The following RAD17 variants were observed in gnomAD, a reference collection of about 807,000 sequenced individuals.
RAD17 encodes the protein cell cycle checkpoint protein RAD17.
A neutral mutation model predicts 81.5 loss-of-function variants in RAD17; 31 were observed. The ratio of observed to expected loss-of-function variants is 0.38; its 90% CI spans 0.29 to 0.51. The LOEUF (loss-of-function observed/expected upper bound fraction) is 0.51, where lower values mean the gene tolerates loss of function less well. Ranked by LOEUF, RAD17 falls within the 20% of genes least tolerant of loss-of-function variation. The pLI, the probability that RAD17 is intolerant of heterozygous loss-of-function variation, is 0.88. For synonymous variants in RAD17, 261 were observed against 266.2 expected, an observed-to-expected ratio of 0.98 and a Z score of 0.19; for missense variants, 681 against 781.2, an observed-to-expected ratio of 0.87 and a Z score of 1.53.
chr5:69,400,224 A>ATTTATTTATTTAT lies in RAD17; in HGVS notation c.1693+62_1693+63insATTTATTTTATTT, dbSNP rs1213203556. 8 of 1,174,888 alleles carry ATTTATTTATTTAT rather than the reference A, an allele frequency of 6.8e-6. No homozygotes were observed. In the South Asian group the frequency reaches 1.3e-4, roughly 19 times the overall value. 72.8% of individuals were successfully genotyped at this position (1,174,888 alleles called of 1,614,324 possible). ...AGAAGTAGGGTTTATTTATTTATTT[A>ATTTATTTATTTAT]TTTATTTTATTTTTTTAGGGGGAGT... On this transcript the variant is annotated intron_variant, in intron 17 of 18. Transcript: ENST00000354868.
At chr5:69,369,464 G>A (rs774701923), upstream of RAD17, 13 of 1,610,426 alleles carry the variant, frequency 8.1e-6, no homozygotes, top group East Asian at 2.2e-5. Context: ...CGCCCTGACC[G>A]GTGAGCAGGA....
In RAD17 at chr5:69,383,600, G is replaced by A. The variant is rs531412363; in HGVS notation, c.509-1197G>A. ...TCACCACGTTGGTCAGGTTGTTTTC[G>A]AACCCCTGACCTCAGGTGATCCAAC... On this transcript the variant is annotated intron_variant, in intron 7 of 18. Coordinates refer to ENST00000354868, the MANE Select transcript of RAD17 (RefSeq NM_133338.3). 7.9e-5 allele frequency among the ~76,000 whole-genome samples: 12 copies of A among 151,560 alleles called. No homozygotes were observed. In the South Asian group the frequency reaches 8.3e-4, roughly 11 times the overall value.
At chr5:69,389,252 T>G in intron 12 of RAD17, 107 bp downstream of exon 12, 1 of 544,440 alleles carries the variant, frequency 1.8e-6, no homozygotes, top group Admixed American at 3.9e-5. Context: ...TATACCTATT[T>G]ATCCTTCTTT....
At chr5:69,404,586 G>A (rs1332168713) in intron 17 of RAD17, among the ~76,000 whole-genome samples, 1 of 152,094 alleles carries the variant, frequency 6.6e-6, no homozygotes, top group African/African-American at 2.4e-5. Flanking sequence ...TGGCCAACAT[G>A]GCAAAACCCC....
At position 69,377,470 on chromosome 5, in the gene RAD17, TATATACACACACACAC is replaced by T. The variant is rs1763444114; in HGVS notation, c.351+2765_351+2780del. 1.4e-3 allele frequency among the ~76,000 whole-genome samples: 8 copies of T among 5,758 alleles called. No individual in the cohort carries two copies. The Non-Finnish European group carries it at 0.015, about 10-fold the overall frequency. The allele number at this position is 5,758 out of a possible 152,430, so 3.8% of individuals were successfully genotyped here. ...ATATATATATATATATATATATATA[TATATACACACACACAC>T]ATATATATACGTATATATATGTATA... is the stretch of plus-strand genomic sequence containing the variant. On this transcript the variant is annotated intron_variant, in intron 6 of 18. Transcript: ENST00000354868.
chr5:69,414,224 C>T lies in RAD17; in HGVS notation c.1945C>T (p.Pro649Ser), dbSNP rs753754950. Reference protein sequence around the residue: ...ASELPASQPQPFSAQGDMEEN... With the variant: ...ASELPASQPQSFSAQGDMEEN... ...TGAACTGCCTGCTAGCCAGCCCCAGCCCTTTTCAGCCCAAGGAGACATGGA... is the reference window on the plus strand; with the variant it reads ...TGAACTGCCTGCTAGCCAGCCCCAGTCCTTTTCAGCCCAAGGAGACATGGA... Residue 649 changes from proline to serine, a missense_variant, in exon 19 of 19, where the codon CCC (proline) becomes TCC (serine). Pro to Ser is a moderately conservative substitution (Grantham distance 74). Coordinates refer to ENST00000354868, the MANE Select transcript of RAD17 (RefSeq NM_133338.3). 31 of 1,614,022 alleles carry T rather than the reference C, an allele frequency of 1.9e-5. No individual in the cohort carries two copies. The Admixed American group carries it at 5.0e-4, about 26-fold the overall frequency.
At chr5:69,388,944 GTTAA>G (rs1490059044) in intron 11 of RAD17, 86 bp from the exon 12 acceptor site, 56 of 643,348 alleles carry the variant, frequency 8.7e-5, no homozygotes, top group Non-Finnish European at 2.4e-5. Context: ...TCTAATTTAC[GTTAA>G]TTAAGTTTAG....
chr5:69,383,800 G>A (rs775154860), intron 7 of RAD17, among the ~76,000 whole-genome samples: 9 of 152,186 alleles, frequency 5.9e-5, no homozygotes, highest in Non-Finnish European at 1.2e-4. Flanking sequence ...ACAGACGTGT[G>A]TTCCTGCATC....
intron 16 of RAD17, among the ~76,000 whole-genome samples, 164 bp downstream of exon 16, chr5:69,396,710 A>G (rs1764916671): frequency 6.6e-6 from 1 of 152,244 alleles, no homozygotes; most frequent in African/African-American, 2.4e-5. Flanking sequence ...AGTTTTTATA[A>G]AACATAAAAA....
chr5:69,404,917 G>A (rs1765495884), intron 17 of RAD17, among the ~76,000 whole-genome samples: 2 of 152,026 alleles, frequency 1.3e-5, no homozygotes, highest in South Asian at 2.1e-4. Flanking sequence ...TCTAGCCTGG[G>A]GGACAGAGTG....
intron 12 of RAD17, among the ~76,000 whole-genome samples, chr5:69,390,936 G>C (rs981286185): frequency 7.4e-6 from 1 of 135,174 alleles, no homozygotes; most frequent in East Asian, 2.2e-4. Context: ...CTGGGTGATA[G>C]AGCCAGACCC....
chr5:69,382,118 C>G (rs1407243154), intron 7 of RAD17, 61 bp downstream of exon 7: 3 of 1,529,434 alleles, frequency 2.0e-6, no homozygotes, highest in Non-Finnish European at 2.7e-6. Context: ...AGGGAGCTTT[C>G]AGATAAAGTT....
intron 15 of RAD17, among the ~76,000 whole-genome samples, chr5:69,394,642 C>T (rs1764770944): frequency 6.6e-6 from 1 of 152,146 alleles, no homozygotes; most frequent in Non-Finnish European, 1.5e-5. Flanking sequence ...ATCTCCAGTA[C>T]TTGATAACTG....
Position 69,374,562 on chromosome 5 carries a change from T to C in RAD17, c.268-66T>C, listed in dbSNP as rs1763220873. ...TTCGTTAATAATGCTTAGGTTCATA[T>C]GTGCTGATGTACCAAAAAATCTTCA... is the stretch of plus-strand genomic sequence containing the variant. On this transcript the variant is annotated intron_variant, in intron 5 of 18. Coordinates refer to ENST00000354868, the MANE Select transcript of RAD17 (RefSeq NM_133338.3). 33 of 1,068,700 alleles carry C rather than the reference T, an allele frequency of 3.1e-5. No individual in the cohort carries two copies. The South Asian group carries it at 4.3e-4, about 14-fold the overall frequency. The allele number at this position is 1,068,700 out of a possible 1,614,324, so 66.2% of individuals were successfully genotyped here. A position where few individuals can be genotyped will look rare whatever the true frequency, so the allele number is the denominator to read the frequency against.
chr5:69,386,075 T>A lies in RAD17; in HGVS notation c.678T>A (p.His226Gln). 1 of 1,600,904 alleles carries A rather than the reference T, an allele frequency of 6.2e-7. No homozygotes were observed. The highest frequency in any genetic ancestry group is 8.5e-7 in the Non-Finnish European group (1 of 1,174,648). Residue 226 changes from histidine to glutamine, a missense_variant, in exon 9 of 19, where the codon CAT becomes CAA. Physicochemically the swap from His to Gln is conservative, Grantham distance 24. Coordinates refer to ENST00000354868, the MANE Select transcript of RAD17 (RefSeq NM_133338.3). ...DLPNQFYRDS[H>Q]TLHEVLRKYV... ...CTAACCAGTTTTATCGGGATTCTCATACTTTACATGAAGTTCTAAGGTAGG... is the reference window on the plus strand; with the variant it reads ...CTAACCAGTTTTATCGGGATTCTCAAACTTTACATGAAGTTCTAAGGTAGG...
In RAD17 at chr5:69,414,406, C is replaced by A. The variant is rs917812174; in HGVS notation, c.*114C>A. 25 of 1,210,312 alleles carry A rather than the reference C, an allele frequency of 2.1e-5. No homozygotes were observed. The African/African-American group carries it at 3.5e-4, about 17-fold the overall frequency. The allele number at this position is 1,210,312 out of a possible 1,614,324, so 75.0% of individuals were successfully genotyped here. A position where few individuals can be genotyped will look rare whatever the true frequency, so the allele number is the denominator to read the frequency against. On this transcript the variant is annotated 3_prime_UTR_variant, in exon 19 of 19. Coordinates refer to ENST00000354868, the MANE Select transcript of RAD17 (RefSeq NM_133338.3). Reference sequence around the variant, plus strand: ...TGAATTACACAACAGTTTGTTAATTCTTCATTCTTGTAGTATTTCATCACA... The same window carrying A: ...TGAATTACACAACAGTTTGTTAATTATTCATTCTTGTAGTATTTCATCACA...
intron 18 of RAD17, among the ~76,000 whole-genome samples, chr5:69,410,752 A>C (rs928646597): frequency 6.6e-6 from 1 of 151,938 alleles, no homozygotes; most frequent in African/African-American, 2.4e-5. Flanking sequence ...ACTATACCAG[A>C]TTAAATGGAA....
intron 15 of RAD17, among the ~76,000 whole-genome samples, 169 bp downstream of exon 15, chr5:69,393,669 C>T (rs1764681447): frequency 6.6e-6 from 1 of 152,108 alleles, no homozygotes; most frequent in Admixed American, 6.6e-5. Flanking sequence ...GCTTCAGTAG[C>T]AAATCTGATT....
At chr5:69,383,080 G>A (rs1465723027) in intron 7 of RAD17, among the ~76,000 whole-genome samples, 2 of 152,048 alleles carry the variant, frequency 1.3e-5, no homozygotes, top group Non-Finnish European at 2.9e-5. Flanking sequence ...TACCATGCGT[G>A]GCAATAGTAC....
Sources: gnomAD v4.1 joint callset for allele counts (sites outside exome capture counted in the v4.1 genomes callset) on GRCh38, gnomAD v4.1.1 for gene constraint, MANE v1.5 for transcripts, NCBI Gene and HGNC (gene_info 2026-07-23, HGNC 2026-07-21) for gene names.